OSBPL2: variants seen among roughly 807,000 people sequenced by gnomAD.
The protein encoded by OSBPL2 is oxysterol binding protein like 2, also known as oxysterol-binding protein-related protein 2.
In OSBPL2, 18 loss-of-function variants were observed where a neutral mutation model predicts 58.4. The ratio of observed to expected loss-of-function variants is 0.31; its 90% CI spans 0.21 to 0.46. The LOEUF (loss-of-function observed/expected upper bound fraction) is 0.46, where lower values mean the gene tolerates loss of function less well. Ranked by LOEUF, OSBPL2 falls within the 20% of genes least tolerant of loss-of-function variation. OSBPL2 has a pLI of 1.00. For synonymous variants in OSBPL2, 221 were observed against 234.1 expected (o/e 0.94, Z 0.51); for missense variants, 461 against 616.5 (o/e 0.75, Z 2.67).
intron 7 of OSBPL2, 130 bp from the exon 8 acceptor site, chr20:62,280,928 C>G: frequency 1.4e-6 from 1 of 691,896 alleles, no homozygotes; most frequent in Non-Finnish European, 2.7e-6. Flanking sequence ...GCAGGGGCTT[C>G]AAAGCAGCGT....
intron 2 of OSBPL2, among the ~76,000 whole-genome samples, chr20:62,258,722 TG>T (rs1418421535): frequency 6.6e-6 from 1 of 151,838 alleles, no homozygotes; most frequent in East Asian, 1.9e-4. Flanking sequence ...GAGGCTGCAG[TG>T]GCTGCCCGGG....
At chr20:62,258,566 T>G (rs1399584437) in intron 2 of OSBPL2, among the ~76,000 whole-genome samples, 1 of 152,246 alleles carries the variant, frequency 6.6e-6, no homozygotes, top group Non-Finnish European at 1.5e-5. Flanking sequence ...TTTGCTCATC[T>G]GTATTTTCTG....
intron 2 of OSBPL2, 71 bp downstream of exon 2, chr20:62,256,292 G>C: frequency 7.1e-7 from 1 of 1,407,220 alleles, no homozygotes; most frequent in Admixed American, 1.7e-5. Context: ...TGTTGGACCT[G>C]GCGTTTGGGG....
In OSBPL2 at chr20:62,269,962, G is replaced by T. The variant is rs1312779939; in HGVS notation, c.259-2163G>T. Among the ~76,000 whole-genome samples the T allele has an allele frequency of 6.6e-6, 1 of 152,238 alleles. No individual in the cohort carries two copies. On this transcript the variant is annotated intron_variant, in intron 4 of 13. Transcript: ENST00000313733. The surrounding 1 kb of genome is among the most constrained non-coding windows in gnomAD (Gnocchi z 4.2). ...GCTCGCCCCTGCAGCAGCCTGAGCC[G>T]CAGGCTCTGTGCGTCTGCCCTGTGC... is the stretch of plus-strand genomic sequence containing the variant.
chr20:62,280,728 G>A (rs1299133080), intron 7 of OSBPL2, among the ~76,000 whole-genome samples: 1 of 152,232 alleles, frequency 6.6e-6, no homozygotes, highest in Non-Finnish European at 1.5e-5. Flanking sequence ...CCAGGACCCT[G>A]CATTACTGCC....
chr20:62,272,043 G>A, intron 4 of OSBPL2, 82 bp from the exon 5 acceptor site: 1 of 1,530,468 alleles, frequency 6.5e-7, no homozygotes, highest in Non-Finnish European at 8.9e-7. Context: ...CTCCATGAAG[G>A]GATGCTCAGA....
At position 62,295,705 on chromosome 20, in the gene OSBPL2, C is replaced by T. The variant is rs987380877; in HGVS notation, c.*1818C>T. 1.3e-5 allele frequency: 2 copies of T among 152,200 alleles called. No individual in the cohort carries two copies. The highest frequency in any genetic ancestry group is 4.8e-5 in the African/African-American group (2 of 41,456). The allele number at this position is 152,200 out of a possible 1,614,324, so 9.4% of individuals were successfully genotyped here. On this transcript the variant is annotated 3_prime_UTR_variant, in exon 14 of 14. Transcript: ENST00000313733. This position sits in a 1 kb window ranked among gnomAD's most constrained non-coding sequence, Gnocchi z 4.8. ...TGGCTGGAATGTGGAGCCCAGGTGC[C>T]TCTGGTGGAGGGTCATCTGCTTTTC... is the stretch of plus-strand genomic sequence containing the variant.
At chr20:62,273,621 C>A (rs1982209639) in intron 6 of OSBPL2, among the ~76,000 whole-genome samples, 1 of 152,216 alleles carries the variant, frequency 6.6e-6, no homozygotes, top group Non-Finnish European at 1.5e-5. Flanking sequence ...GTGTAAAGCG[C>A]TGGCAATGAG....
intron 11 of OSBPL2, 44 bp downstream of exon 11, chr20:62,286,755 A>G (rs1167909338): frequency 6.3e-7 from 1 of 1,581,844 alleles, no homozygotes; most frequent in South Asian, 1.1e-5. Flanking sequence ...TGCTCATGTC[A>G]CACCCACCTC....
At chr20:62,268,730 G>A (rs936138320) in intron 4 of OSBPL2, among the ~76,000 whole-genome samples, 1 of 152,126 alleles carries the variant, frequency 6.6e-6, no homozygotes, top group Non-Finnish European at 1.5e-5. Context: ...CTCTGGAGTA[G>A]CTGGGACTAC....
At chr20:62,263,472 C>T (rs1342098510) in intron 3 of OSBPL2, 144 bp from the exon 4 acceptor site, 3 of 683,960 alleles carry the variant, frequency 4.4e-6, no homozygotes, top group East Asian at 2.7e-5. Flanking sequence ...CAGTCGTGCC[C>T]TGTGTCCCTA....
intron 1 of OSBPL2, among the ~76,000 whole-genome samples, chr20:62,252,404 C>G (rs1039731013): frequency 5.3e-5 from 8 of 152,144 alleles, no homozygotes; most frequent in African/African-American, 1.9e-4. Flanking sequence ...TTGCTAACTG[C>G]ACCCCCACGT....
chr20:62,272,439 G>A, intron 5 of OSBPL2, among the ~76,000 whole-genome samples, 180 bp downstream of exon 5: 1 of 152,204 alleles, frequency 6.6e-6, no homozygotes, highest in Non-Finnish European at 1.5e-5. Context: ...TGTGATGACA[G>A]AACTTGCCGG....
chr20:62,245,160 G>A (rs1980017524), intron 1 of OSBPL2, among the ~76,000 whole-genome samples: 1 of 151,530 alleles, frequency 6.6e-6, no homozygotes, highest in Non-Finnish European at 1.5e-5. Context: ...GTGCAGTGGC[G>A]CGATCTCGGC....
chr20:62,257,279 G>A (rs1980987660), intron 2 of OSBPL2, among the ~76,000 whole-genome samples: 1 of 152,304 alleles, frequency 6.6e-6, no homozygotes, highest in Middle Eastern at 3.4e-3. Context: ...CCGTGGCCCT[G>A]CTGGAGCGGG....
At chr20:62,280,992 G>A (rs1027058620) in intron 7 of OSBPL2, 66 bp from the exon 8 acceptor site, 131 of 1,309,514 alleles carry the variant, frequency 1.0e-4, no homozygotes, top group Non-Finnish European at 1.4e-4. Flanking sequence ...TGGTCGTTGC[G>A]TCTTGGGTCA....
chr20:62,279,587 G>A, intron 7 of OSBPL2: 2 of 544,694 alleles, frequency 3.7e-6, no homozygotes, highest in South Asian at 4.6e-5. Flanking sequence ...TATGACCAGG[G>A]TCCCATGTTG....
intron 1 of OSBPL2, among the ~76,000 whole-genome samples, chr20:62,245,012 G>A (rs192527321): frequency 2.0e-4 from 30 of 152,348 alleles, no homozygotes; most frequent in Admixed American, 1.2e-3. Context: ...TGCCTGGCTG[G>A]CACGCGTAGC....
intron 7 of OSBPL2, among the ~76,000 whole-genome samples, chr20:62,280,829 G>A (rs1385285596): frequency 6.6e-6 from 1 of 152,170 alleles, no homozygotes; most frequent in Non-Finnish European, 1.5e-5. Context: ...TTATTAACTT[G>A]TCTTGACATT....
Sources: allele counts gnomAD v4.1 joint callset (sites outside exome capture counted in the v4.1 genomes callset), GRCh38; gene constraint gnomAD v4.1.1; non-coding constraint Gnocchi (gnomAD v3.1); transcripts MANE v1.5; gene names NCBI Gene and HGNC (gene_info 2026-07-23, HGNC 2026-07-21).